The following GRM7 variants were observed in gnomAD, a reference collection of about 807,000 sequenced individuals.
The protein encoded by GRM7 is glutamate metabotropic receptor 7.
GRM7 carries 35 observed loss-of-function variants against 84.5 expected under a neutral mutation model. That is an observed-to-expected ratio of 0.41 (90% CI 0.32 to 0.55). The LOEUF (loss-of-function observed/expected upper bound fraction) is 0.55, where lower values mean the gene tolerates loss of function less well. Ranked by LOEUF, GRM7 falls within the 20% of genes least tolerant of loss-of-function variation. The pLI, the probability that GRM7 is intolerant of heterozygous loss-of-function variation, is 0.19. For synonymous variants in GRM7, 487 were observed against 455.1 expected (o/e 1.07, Z -0.89); for missense variants, 1,003 against 1,194.6 (o/e 0.84, Z 2.36).
intron 2 of GRM7, among the ~76,000 whole-genome samples, chr3:7,167,242 A>G (rs904167019): frequency 2.0e-5 from 3 of 152,192 alleles, no homozygotes; most frequent in African/African-American, 7.2e-5. Context: ...TGTCATTTGC[A>G]TTAGGCCATG....
chr3:7,005,078 T>C (rs1695136728), intron 1 of GRM7, among the ~76,000 whole-genome samples: 1 of 152,208 alleles, frequency 6.6e-6, no homozygotes. Context: ...GGTCTGTATG[T>C]GGCTGCTGGC....
intron 2 of GRM7, among the ~76,000 whole-genome samples, chr3:7,275,132 G>A (rs1423750881): frequency 1.3e-5 from 2 of 152,010 alleles, no homozygotes; most frequent in African/African-American, 4.8e-5. Context: ...TTGATCTTTA[G>A]CATAAAAATT....
chr3:7,095,078 A>T (rs1051342666), intron 1 of GRM7, among the ~76,000 whole-genome samples: 2 of 151,962 alleles, frequency 1.3e-5, no homozygotes, highest in African/African-American at 4.8e-5. Context: ...GCTATAATAG[A>T]ATCTCTTGGT....
chr3:7,368,169 T>C lies in GRM7; in HGVS notation c.1034-46854T>C, dbSNP rs552279342. 2.0e-5 allele frequency among the ~76,000 whole-genome samples: 3 copies of C among 152,018 alleles called. No individual in the cohort carries two copies. In the South Asian group the frequency reaches 6.2e-4, roughly 32 times the overall value. ...GTGGACTTCTTATCTGCCCGGGAGA[T>C]TGGTTTACAAAGACTACAAAGGCAT... On this transcript the variant is annotated intron_variant, in intron 4 of 9. Coordinates refer to ENST00000357716, the MANE Select transcript of GRM7 (RefSeq NM_000844.4).
At chr3:7,082,191 G>T (rs1197846222) in intron 1 of GRM7, among the ~76,000 whole-genome samples, 1 of 152,106 alleles carries the variant, frequency 6.6e-6, no homozygotes, top group African/African-American at 2.4e-5. Flanking sequence ...TGACTTCAAA[G>T]CTTCAAAAGA....
Position 7,334,500 on chromosome 3 carries a change from AAC to A in GRM7, c.1033+27850_1033+27851del, listed in dbSNP as rs767089599. Among the ~76,000 whole-genome samples the A allele has an allele frequency of 4.7e-4, 67 of 142,678 alleles. 1 individual carries two copies. Among genetic ancestry groups the A allele is most frequent in the African/African-American group, 1.8e-3 (62 of 35,006 alleles). 93.6% of individuals were successfully genotyped at this position (142,678 alleles called of 152,430 possible). ...CCCACAAAAAAAATAGAAAAACAAA[AAC>A]AAAAACAAAAACACAACATACATAG... On this transcript the variant is annotated intron_variant, in intron 4 of 9. Coordinates refer to ENST00000357716, the MANE Select transcript of GRM7 (RefSeq NM_000844.4).
intron 5 of GRM7, among the ~76,000 whole-genome samples, chr3:7,416,120 G>C (rs1430798279): frequency 6.6e-6 from 1 of 152,066 alleles, no homozygotes; most frequent in Non-Finnish European, 1.5e-5. Flanking sequence ...GTGAAAAACA[G>C]AAAAAACATG....
chr3:6,965,549 G>C (rs149590200), intron 1 of GRM7, among the ~76,000 whole-genome samples: 5 of 152,008 alleles, frequency 3.3e-5, no homozygotes, highest in African/African-American at 1.2e-4. Flanking sequence ...TGCCCAGGCT[G>C]GTCTTGCATT....
At chr3:7,131,000 TCC>T in intron 1 of GRM7, among the ~76,000 whole-genome samples, 1 of 152,176 alleles carries the variant, frequency 6.6e-6, no homozygotes, top group Non-Finnish European at 1.5e-5. Context: ...GATTTATTAG[TCC>T]TGAATAAACT....
chr3:7,456,626 C>A (rs972853816), intron 6 of GRM7, among the ~76,000 whole-genome samples: 64 of 152,028 alleles, frequency 4.2e-4, no homozygotes, highest in African/African-American at 1.3e-3. Flanking sequence ...CTTCCTGCAT[C>A]ATTCCTGCTG....
At chr3:6,941,925 G>A (rs570776353) in intron 1 of GRM7, among the ~76,000 whole-genome samples, 4 of 152,024 alleles carry the variant, frequency 2.6e-5, no homozygotes, top group South Asian at 2.1e-4. Context: ...GACAAGTACC[G>A]TTTTAGTCGT....
At chr3:7,735,555 C>T (rs1332058274) in intron 9 of GRM7, among the ~76,000 whole-genome samples, 3 of 152,134 alleles carry the variant, frequency 2.0e-5, no homozygotes, top group Admixed American at 6.5e-5. Flanking sequence ...TATAGCCCAA[C>T]ACATAATACA....
chr3:7,570,002 A>G (rs995826911), intron 7 of GRM7, among the ~76,000 whole-genome samples: 7 of 152,192 alleles, frequency 4.6e-5, no homozygotes, highest in Non-Finnish European at 7.3e-5. Context: ...GAGCTTGTGC[A>G]GGGGAAGTTC....
chr3:7,618,686 C>T (rs561202904), intron 8 of GRM7, among the ~76,000 whole-genome samples: 16 of 152,146 alleles, frequency 1.1e-4, no homozygotes, highest in South Asian at 4.1e-4. Flanking sequence ...CCCCTTATGA[C>T]GAGCCAACAC....
intron 1 of GRM7, among the ~76,000 whole-genome samples, chr3:6,864,106 A>T (rs1336007595): frequency 1.3e-5 from 2 of 152,198 alleles, no homozygotes; most frequent in African/African-American, 4.8e-5. Context: ...CTGGGGAGTA[A>T]AACCATTCAG....
intron 2 of GRM7, among the ~76,000 whole-genome samples, chr3:7,176,805 C>G (rs866604919): frequency 2.6e-5 from 4 of 152,198 alleles, no homozygotes; most frequent in Non-Finnish European, 4.4e-5. Flanking sequence ...CACACCTCAA[C>G]TATTATTATA....
At chr3:7,417,459 T>C (rs1696213492) in intron 5 of GRM7, among the ~76,000 whole-genome samples, 1 of 152,138 alleles carries the variant, frequency 6.6e-6, no homozygotes, top group Non-Finnish European at 1.5e-5. Context: ...TAAAAAATCT[T>C]TACATGTAAG....
intron 2 of GRM7, among the ~76,000 whole-genome samples, chr3:7,187,189 C>A (rs924066153): frequency 7.5e-6 from 1 of 133,068 alleles, no homozygotes; most frequent in Non-Finnish European, 1.5e-5. Context: ...CATGCTACTG[C>A]AGGAAGTGAG....
At chr3:6,957,054 C>T (rs79586838) in intron 1 of GRM7, among the ~76,000 whole-genome samples, 14,301 of 152,060 alleles carry the variant, frequency 0.094, 699 homozygotes, top group Middle Eastern at 0.11. Context: ...TATAATTTTC[C>T]CACTAGAATT....
Sources: allele counts gnomAD v4.1 joint callset (sites outside exome capture counted in the v4.1 genomes callset), GRCh38; gene constraint gnomAD v4.1.1; transcripts MANE v1.5; gene names NCBI Gene and HGNC (gene_info 2026-07-23, HGNC 2026-07-21).